DST: variants seen among roughly 807,000 people sequenced by gnomAD.
DST encodes the protein dystonin.
DST carries 253 observed loss-of-function variants against 875.2 expected under a neutral mutation model. The ratio of observed to expected loss-of-function variants is 0.29; its 90% CI spans 0.26 to 0.32. The LOEUF is 0.32. Among genes scored for constraint, DST ranks in the 10% least tolerant of loss-of-function variants. DST has a pLI of 1.00. For missense variants in DST, 8,287 were observed against 9,111.6 expected (o/e 0.91, Z 3.68); for synonymous variants, 3,124 against 3,197.1 (o/e 0.98, Z 0.77).
At chr6:56,733,714 CT>C (rs1299028623) in intron 5 of DST, among the ~76,000 whole-genome samples, 2 of 151,650 alleles carry the variant, frequency 1.3e-5, no homozygotes, top group African/African-American at 4.8e-5. Context: ...CCTTTCAAAG[CT>C]AATTTGTTCA....
chr6:56,932,182 G>A (rs936916439), intron 2 of DST, among the ~76,000 whole-genome samples: 2 of 152,120 alleles, frequency 1.3e-5, no homozygotes. Flanking sequence ...GACTGTTCTC[G>A]TGGTAGTAAA....
intron 2 of DST, among the ~76,000 whole-genome samples, chr6:56,947,450 A>T (rs1279700456): frequency 6.6e-6 from 1 of 151,862 alleles, no homozygotes; most frequent in African/African-American, 2.4e-5. Context: ...GGGTTTCACC[A>T]TGTTGACCAG....
At chr6:56,831,135 A>G (rs1448952975) in intron 4 of DST, among the ~76,000 whole-genome samples, 5 of 152,236 alleles carry the variant, frequency 3.3e-5, no homozygotes, top group Non-Finnish European at 1.5e-5. Context: ...CATCAATCTA[A>G]TTGAGAGTTT....
chr6:56,937,842 A>C (rs1277113908), intron 2 of DST, among the ~76,000 whole-genome samples: 1 of 152,218 alleles, frequency 6.6e-6, no homozygotes. Flanking sequence ...AACTACTGAT[A>C]CATACTACAA....
intron 55 of DST, among the ~76,000 whole-genome samples, chr6:56,567,232 T>C (rs959359316): frequency 6.6e-6 from 1 of 152,212 alleles, no homozygotes; most frequent in Non-Finnish European, 1.5e-5. Flanking sequence ...CTAGTATCTA[T>C]CGGCTATGTA....
chr6:56,526,339 AC>A (rs1474129673), intron 69 of DST, 21 bp downstream of exon 69: 30 of 1,611,858 alleles, frequency 1.9e-5, no homozygotes, highest in Non-Finnish European at 2.5e-5. Context: ...TATTGCCTAA[AC>A]AACAAACCAT....
intron 15 of DST, among the ~76,000 whole-genome samples, chr6:56,644,417 A>C (rs1159585242): frequency 6.6e-6 from 1 of 152,198 alleles, no homozygotes; most frequent in Non-Finnish European, 1.5e-5. Flanking sequence ...TTGAATCCTG[A>C]AGTCAATGTG....
chr6:56,730,813 C>A (rs1244441994), intron 5 of DST, among the ~76,000 whole-genome samples: 1 of 152,050 alleles, frequency 6.6e-6, no homozygotes, highest in Non-Finnish European at 1.5e-5. Flanking sequence ...AATGATGAAT[C>A]AAAAGGAAAA....
Position 56,624,551 on chromosome 6 carries a change from C to T in DST, c.4908G>A (p.Leu1636=). 6.2e-7 allele frequency: 1 copy of T among 1,612,672 alleles called. No individual in the cohort carries two copies. Among genetic ancestry groups the T allele is most frequent in the Non-Finnish European group, 8.5e-7 (1 of 1,179,144 alleles). ...TQYIKFAGDS[L]KRLEEEEKSL... is the part of the protein sequence containing the mutation. ...TTACCTCCTCCTCTTCCAGCCTCTT[C>T]AATGAATCACCAGCAAATTTAATAT... The change falls in exon 36 of 104, where the codon TTG becomes TTA. Residue 1636 remains leucine, a synonymous_variant. Transcript: ENST00000680361.
intron 99 of DST, among the ~76,000 whole-genome samples, chr6:56,465,542 C>CTA (rs1016051225): frequency 1.4e-4 from 21 of 151,968 alleles, no homozygotes; most frequent in African/African-American, 4.8e-4. Context: ...ATGTAGAGAG[C>CTA]TATAGTATTA....
chr6:56,893,588 A>ATTTTTTTT (rs1788963958), intron 3 of DST, among the ~76,000 whole-genome samples: 2 of 65,136 alleles, frequency 3.1e-5, no homozygotes, highest in African/African-American at 9.0e-5. Flanking sequence ...TTTTTTTTTT[A>ATTTTTTTT]TTTTTTTTTA....
chr6:56,555,529 G>C lies in DST; in HGVS notation c.14952C>G (p.Asn4984Lys), dbSNP rs147317534. ...TTTTTTGGGCTGTTTCCAACTGTTG[G>C]TTCATAGCATCAGGGTGCGTGCTCA... ...LAVSTHPDAM[N>K]QQLETAQKMK... is the part of the protein sequence containing the mutation. Residue 4984 changes from asparagine (N) to lysine (K), a missense_variant, in exon 60 of 104, where the codon AAC becomes AAG. Asn to Lys is a moderately conservative substitution (Grantham distance 94, BLOSUM62 0). Transcript: ENST00000680361. The C allele has an allele frequency of 1.2e-6, 2 of 1,613,948 alleles. No individual in the cohort carries two copies. The highest frequency in any genetic ancestry group is 1.7e-6 in the Non-Finnish European group (2 of 1,179,894).
chr6:56,503,573 ATCTC>A (rs1279013400), intron 78 of DST, among the ~76,000 whole-genome samples: 10 of 141,030 alleles, frequency 7.1e-5, no homozygotes, highest in East Asian at 2.1e-4. Context: ...ATCTAAATAC[ATCTC>A]TCTCTCTACC....
chr6:56,529,030 TG>T, intron 66 of DST, 105 bp from the exon 67 acceptor site: 1 of 754,726 alleles, frequency 1.3e-6, no homozygotes, highest in Non-Finnish European at 2.3e-6. Context: ...GAGACATATT[TG>T]AGTAAATATC....
At chr6:56,603,140 T>C in intron 42 of DST, 65 bp downstream of exon 42, 1 of 1,550,234 alleles carries the variant, frequency 6.5e-7, no homozygotes, top group Non-Finnish European at 8.8e-7. Context: ...TACTCCAGCT[T>C]ATGACTAAAT....
intron 10 of DST, among the ~76,000 whole-genome samples, chr6:56,662,860 A>G (rs949982086): frequency 1.3e-5 from 2 of 152,100 alleles, no homozygotes; most frequent in African/African-American, 2.4e-5. Flanking sequence ...GAGGCAGGAG[A>G]ATTGCTTGAA....
chr6:56,740,244 C>T (rs1160140125), intron 4 of DST, among the ~76,000 whole-genome samples: 1 of 152,112 alleles, frequency 6.6e-6, no homozygotes, highest in Non-Finnish European at 1.5e-5. Context: ...ATCCAAGAAC[C>T]CTCTCTTGGG....
intron 10 of DST, among the ~76,000 whole-genome samples, chr6:56,668,684 C>T (rs1354507967): frequency 6.6e-6 from 1 of 152,020 alleles, no homozygotes; most frequent in Non-Finnish European, 1.5e-5. Flanking sequence ...AGGAGAATCA[C>T]TTGAACCTGG....
chr6:56,598,109 G>C (rs1446212890), intron 46 of DST, 103 bp from the exon 47 acceptor site: 1 of 1,146,744 alleles, frequency 8.7e-7, no homozygotes, highest in Non-Finnish European at 1.2e-6. Context: ...TTAGAATGAG[G>C]GTACTAAAAA....
Sources: allele counts gnomAD v4.1 joint callset (sites outside exome capture counted in the v4.1 genomes callset), GRCh38; gene constraint gnomAD v4.1.1; transcripts MANE v1.5; gene names NCBI Gene and HGNC (gene_info 2026-07-23, HGNC 2026-07-21).